DPP10: variants seen among roughly 807,000 people sequenced by gnomAD.
The protein encoded by DPP10 is inactive dipeptidyl peptidase 10.
Under a neutral mutation model 120.9 loss-of-function variants are expected in DPP10, and 33 were observed. The ratio of observed to expected loss-of-function variants is 0.27; its 90% CI spans 0.21 to 0.37. DPP10 has a LOEUF of 0.37. Ranked by LOEUF, DPP10 falls within the 10% of genes least tolerant of loss-of-function variation. The pLI is 1.00. For missense variants in DPP10, 816 were observed against 942.8 expected, an observed-to-expected ratio of 0.87 and a Z score of 1.76; for synonymous variants, 337 against 326.1, an observed-to-expected ratio of 1.03 and a Z score of -0.36.
At chr2:115,522,506 A>G (rs942569358) in intron 4 of DPP10, among the ~76,000 whole-genome samples, 2 of 152,222 alleles carry the variant, frequency 1.3e-5, no homozygotes, top group East Asian at 1.9e-4. Flanking sequence ...AAATGTTCCC[A>G]AGCTGCCGGA....
intron 1 of DPP10, among the ~76,000 whole-genome samples, chr2:114,911,501 A>C (rs564606810): frequency 1.3e-5 from 2 of 152,304 alleles, no homozygotes; most frequent in Admixed American, 6.5e-5. Context: ...TCATCATTGC[A>C]AGGTTCATAA....
At chr2:115,790,547 A>C (rs1229759602) in intron 17 of DPP10, among the ~76,000 whole-genome samples, 1 of 151,892 alleles carries the variant, frequency 6.6e-6, no homozygotes, top group Non-Finnish European at 1.5e-5. Context: ...CAAGGTCATT[A>C]CTCTTTTGTT....
At chr2:115,758,572 AT>A (rs539794356) in intron 11 of DPP10, among the ~76,000 whole-genome samples, 31 of 152,014 alleles carry the variant, frequency 2.0e-4, no homozygotes, top group African/African-American at 6.5e-4. Context: ...GTCCCTTCTG[AT>A]TTTTTTTGTA....
At chr2:114,939,927 C>T (rs866524234) in intron 1 of DPP10, among the ~76,000 whole-genome samples, 7 of 152,170 alleles carry the variant, frequency 4.6e-5, no homozygotes, top group Middle Eastern at 6.8e-3. Flanking sequence ...TTTTCTAGAA[C>T]ACATTTATTG....
chr2:114,573,060 C>T (rs970701895), intron 1 of DPP10, among the ~76,000 whole-genome samples: 5 of 152,166 alleles, frequency 3.3e-5, no homozygotes, highest in Non-Finnish European at 4.4e-5. Flanking sequence ...CATAGCCCAT[C>T]GCAGACTTCA....
intron 3 of DPP10, among the ~76,000 whole-genome samples, chr2:115,382,139 G>A (rs922866723): frequency 3.3e-5 from 5 of 152,240 alleles, no homozygotes; most frequent in South Asian, 2.1e-4. Context: ...GGGCAATGGC[G>A]GGCGCCCCTC....
intron 3 of DPP10, among the ~76,000 whole-genome samples, chr2:115,447,872 C>A (rs2072754804): frequency 6.6e-6 from 1 of 152,130 alleles, no homozygotes; most frequent in Admixed American, 6.5e-5. Flanking sequence ...TTTATCTCAA[C>A]CAACAACAGA....
intron 1 of DPP10, among the ~76,000 whole-genome samples, chr2:114,482,899 G>C (rs1042333851): frequency 3.9e-4 from 60 of 152,278 alleles, no homozygotes; most frequent in African/African-American, 1.3e-3. Context: ...TTCACTCCTT[G>C]AGTAAGCAAA....
At chr2:115,374,507 C>G (rs1420409587) in intron 3 of DPP10, among the ~76,000 whole-genome samples, 1 of 152,144 alleles carries the variant, frequency 6.6e-6, no homozygotes, top group African/African-American at 2.4e-5. Flanking sequence ...GTCTGGAGGA[C>G]AGTGGTCTTT....
At chr2:115,771,258 A>T (rs910143224) in intron 13 of DPP10, among the ~76,000 whole-genome samples, 18 of 151,792 alleles carry the variant, frequency 1.2e-4, no homozygotes, top group African/African-American at 4.4e-4. Flanking sequence ...TATTTTTAGT[A>T]GAGGCGGGTT....
chr2:115,222,299 A>G (rs566194498), intron 1 of DPP10, among the ~76,000 whole-genome samples: 16 of 152,178 alleles, frequency 1.1e-4, no homozygotes, highest in Non-Finnish European at 1.9e-4. Context: ...CAGTTCAGCC[A>G]TGACTTCTCA....
intron 1 of DPP10, among the ~76,000 whole-genome samples, chr2:114,769,864 A>G (rs576197439): frequency 5.9e-5 from 9 of 152,216 alleles, no homozygotes; most frequent in Non-Finnish European, 1.3e-4. Context: ...AAAGGGAGAC[A>G]GATGAAGATG....
At chr2:115,206,468 A>G (rs1170715828) in intron 1 of DPP10, among the ~76,000 whole-genome samples, 1 of 152,204 alleles carries the variant, frequency 6.6e-6, no homozygotes, top group Admixed American at 6.5e-5. Flanking sequence ...AAGCACTGCA[A>G]TAGAAAAAAC....
intron 1 of DPP10, among the ~76,000 whole-genome samples, chr2:114,845,577 A>C (rs1688484733): frequency 6.6e-6 from 1 of 152,070 alleles, no homozygotes; most frequent in Admixed American, 6.6e-5. Flanking sequence ...TTTTAAGAGG[A>C]CTTTGTTTCT....
At chr2:115,055,949 C>T (rs1705868893) in intron 1 of DPP10, among the ~76,000 whole-genome samples, 1 of 151,978 alleles carries the variant, frequency 6.6e-6, no homozygotes, top group African/African-American at 2.4e-5. Flanking sequence ...GCATGTAAAA[C>T]ATATAGAAAT....
At chr2:115,366,893 G>C (rs1221871519) in intron 3 of DPP10, among the ~76,000 whole-genome samples, 1 of 151,996 alleles carries the variant, frequency 6.6e-6, no homozygotes, top group Non-Finnish European at 1.5e-5. Context: ...TGCACCCCCA[G>C]CAGTATCTTT....
chr2:115,256,435 C>T (rs1046987982), intron 1 of DPP10, among the ~76,000 whole-genome samples: 1 of 152,154 alleles, frequency 6.6e-6, no homozygotes, highest in African/African-American at 2.4e-5. Context: ...TTATGGCATG[C>T]CTTCTCTGAA....
At chr2:115,009,666 A>G (rs999505328) in intron 1 of DPP10, among the ~76,000 whole-genome samples, 1 of 151,978 alleles carries the variant, frequency 6.6e-6, no homozygotes, top group South Asian at 2.1e-4. Flanking sequence ...TAGGAGAAAT[A>G]CCTAATGTAG....
At chr2:115,591,684 C>A (rs2082674284) in intron 5 of DPP10, among the ~76,000 whole-genome samples, 1 of 152,066 alleles carries the variant, frequency 6.6e-6, no homozygotes, top group Non-Finnish European at 1.5e-5. Flanking sequence ...TTTTCCAATT[C>A]TGTGAAGAAA....
Sources: allele counts gnomAD v4.1 joint callset (sites outside exome capture counted in the v4.1 genomes callset), GRCh38; gene constraint gnomAD v4.1.1; transcripts MANE v1.5; gene names NCBI Gene and HGNC (gene_info 2026-07-23, HGNC 2026-07-21).